The following ACCSL variants were observed in gnomAD, a reference collection of about 807,000 sequenced individuals.
The protein encoded by ACCSL is probable inactive 1-aminocyclopropane-1-carboxylate synthase-like protein 2.
A neutral mutation model predicts 61.7 loss-of-function variants in ACCSL; 55 were observed. The ratio of observed to expected loss-of-function variants is 0.89; its 90% CI spans 0.72 to 1.12. ACCSL has a LOEUF of 1.12. Among genes scored for constraint, ACCSL ranks in the 50% most tolerant of loss-of-function variants. The pLI, the probability that ACCSL is intolerant of heterozygous loss-of-function variation, is 0.00. For synonymous variants in ACCSL, 258 were observed against 264.3 expected, an observed-to-expected ratio of 0.98 and a Z score of 0.23; for missense variants, 632 against 698.0, an observed-to-expected ratio of 0.91 and a Z score of 1.07.
chr11:43,949,828 AAACAAC>A, the ACCSL span, among the ~76,000 whole-genome samples: 29 of 150,666 alleles, frequency 1.9e-4, no homozygotes, highest in East Asian at 9.9e-4. Flanking sequence ...AAAAACAAAC[AAACAAC>A]AACAACAACA....
chr11:43,996,994 G>A, the ACCSL span, among the ~76,000 whole-genome samples: 12 of 151,830 alleles, frequency 7.9e-5, no homozygotes, highest in Admixed American at 7.9e-4. Flanking sequence ...TTTATTTTTA[G>A]TAGAGACAGT....
the ACCSL span, among the ~76,000 whole-genome samples, chr11:43,934,651 A>G: frequency 7.9e-5 from 12 of 152,298 alleles, no homozygotes; most frequent in African/African-American, 1.9e-4. Context: ...CCAGTTGCCC[A>G]GTGCATCTAG....
chr11:44,005,568 C>T, the ACCSL span, among the ~76,000 whole-genome samples: 9 of 152,128 alleles, frequency 5.9e-5, no homozygotes, highest in East Asian at 1.9e-4. Context: ...GAATGCACAG[C>T]GGGTTTGGGG....
At chr11:43,932,838 C>T in the ACCSL span, among the ~76,000 whole-genome samples, 7 of 152,234 alleles carry the variant, frequency 4.6e-5, no homozygotes, top group Non-Finnish European at 8.8e-5. Context: ...TCCCAGAACT[C>T]GGAAGCGGTT....
the ACCSL span, among the ~76,000 whole-genome samples, chr11:44,034,843 C>T: frequency 6.6e-6 from 1 of 152,200 alleles, no homozygotes; most frequent in Non-Finnish European, 1.5e-5. Context: ...CCCAGGCACC[C>T]TGAGTGGTTC....
the ACCSL span, among the ~76,000 whole-genome samples, chr11:43,979,846 C>CAA: frequency 9.9e-4 from 50 of 50,734 alleles, 1 homozygote; most frequent in African/African-American, 2.3e-3. Context: ...GACTCTGTCT[C>CAA]AAAAAAAAAA....
At chr11:43,989,215 C>T in the ACCSL span, among the ~76,000 whole-genome samples, 1 of 152,176 alleles carries the variant, frequency 6.6e-6, no homozygotes, top group East Asian at 1.9e-4. Flanking sequence ...GGCCTTGGAC[C>T]AGTCACTTTA....
At chr11:44,053,565 T>C (rs540239754) in intron 8 of ACCSL, 59 bp downstream of exon 8, 10 of 1,496,566 alleles carry the variant, frequency 6.7e-6, no homozygotes, top group South Asian at 5.7e-5. Flanking sequence ...CCATCACTTA[T>C]AGTCAAGTAA....
chr11:43,959,171 G>A, the ACCSL span, among the ~76,000 whole-genome samples: 1 of 152,126 alleles, frequency 6.6e-6, no homozygotes, highest in East Asian at 1.9e-4. Context: ...ACCACAGCAC[G>A]CGCCTAGGTT....
the ACCSL span, among the ~76,000 whole-genome samples, chr11:43,935,878 G>T: frequency 6.6e-6 from 1 of 152,056 alleles, no homozygotes; most frequent in Non-Finnish European, 1.5e-5. Context: ...CCCTTTTAAG[G>T]GCCGACCCCT....
the ACCSL span, among the ~76,000 whole-genome samples, chr11:43,982,842 G>T: frequency 6.6e-6 from 1 of 152,202 alleles, no homozygotes; most frequent in Non-Finnish European, 1.5e-5. Context: ...AGTGCTCTTG[G>T]GATTCACACG....
At chr11:44,016,385 G>T in the ACCSL span, among the ~76,000 whole-genome samples, 1 of 152,100 alleles carries the variant, frequency 6.6e-6, no homozygotes, top group Admixed American at 6.5e-5. Context: ...ATCTGCTTCT[G>T]TCCTAGCTGA....
At position 44,058,623 on chromosome 11, in the gene ACCSL, T is replaced by C. The variant is rs774598590; in HGVS notation, c.1548T>C (p.Arg516=). The change falls in exon 13 of 14, where the codon CGT becomes CGC. Residue 516 remains arginine, a synonymous_variant. Coordinates refer to ENST00000378832, the MANE Select transcript of ACCSL (RefSeq NM_001031854.2). The stretch of plus-strand genomic sequence containing the variant: ...TGGACAACAAGCTATTGTTATCCCG[T>C]GGCAAAACCTACATGTGTAAGGAGC... The part of the protein sequence containing the change: ...RFLDNKLLLS[R]GKTYMCKEPG... 6.2e-7 allele frequency: 1 copy of C among 1,614,136 alleles called. No individual in the cohort carries two copies. Among genetic ancestry groups the C allele is most frequent in the East Asian group, 2.2e-5 (1 of 44,884 alleles).
At chr11:44,055,977 T>A (rs1952668635) in intron 9 of ACCSL, 63 bp from the exon 10 acceptor site, 11 of 1,596,722 alleles carry the variant, frequency 6.9e-6, no homozygotes, top group Non-Finnish European at 8.6e-6. Context: ...TCCCCTCTTA[T>A]ACCCCAAATC....
the ACCSL span, chr11:43,925,410 C>T: frequency 2.8e-5 from 13 of 456,210 alleles, no homozygotes; most frequent in East Asian, 3.5e-4. Context: ...TGGTATTGAT[C>T]GTCTCCACGC....
chr11:44,016,396 G>A, the ACCSL span, among the ~76,000 whole-genome samples: 1 of 152,166 alleles, frequency 6.6e-6, no homozygotes, highest in Non-Finnish European at 1.5e-5. Flanking sequence ...TCCTAGCTGA[G>A]CTGGGGGAGG....
the ACCSL span, among the ~76,000 whole-genome samples, chr11:43,934,219 C>T: frequency 6.6e-6 from 1 of 152,302 alleles, no homozygotes; most frequent in South Asian, 2.1e-4. Flanking sequence ...TATCGAAACA[C>T]TTTTATGCTC....
chr11:44,027,578 C>T, the ACCSL span, among the ~76,000 whole-genome samples: 1 of 152,160 alleles, frequency 6.6e-6, no homozygotes, highest in Non-Finnish European at 1.5e-5. Flanking sequence ...TCTTCTTTCC[C>T]CTTTTTCAGC....
At chr11:44,054,576 C>T (rs934425014) in intron 8 of ACCSL, among the ~76,000 whole-genome samples, 48 of 152,044 alleles carry the variant, frequency 3.2e-4, no homozygotes, top group Admixed American at 2.7e-3. Flanking sequence ...CCTGCCTCAG[C>T]CTCCTGAGTA....
Sources: allele counts gnomAD v4.1 joint callset (sites outside exome capture counted in the v4.1 genomes callset), GRCh38; gene constraint gnomAD v4.1.1; transcripts MANE v1.5; gene names NCBI Gene and HGNC (gene_info 2026-07-23, HGNC 2026-07-21).